DNAH17: variants seen among roughly 807,000 people sequenced by gnomAD.
DNAH17 encodes the protein axonemal beta dynein heavy chain 17.
A neutral mutation model predicts 485.6 loss-of-function variants in DNAH17; 376 were observed. That is an observed-to-expected ratio of 0.77 (90% CI 0.71 to 0.84). DNAH17 has a LOEUF of 0.84. Ranked by LOEUF, DNAH17 falls within the 40% of genes least tolerant of loss-of-function variation. DNAH17 has a pLI of 0.00. For missense variants in DNAH17, 6,370 were observed against 5,839.3 expected, an observed-to-expected ratio of 1.09 and a Z score of -2.96; for synonymous variants, 3,031 against 2,405.9, an observed-to-expected ratio of 1.26 and a Z score of -7.60.
chr17:78,487,771 C>T (rs913806125), intron 44 of DNAH17, among the ~76,000 whole-genome samples: 2 of 152,092 alleles, frequency 1.3e-5, no homozygotes, highest in South Asian at 2.1e-4. Context: ...ATGATCTGCC[C>T]GCCTCAGCTT....
intron 22 of DNAH17, among the ~76,000 whole-genome samples, 176 bp from the exon 23 acceptor site, chr17:78,527,172 C>T (rs2091101570): frequency 6.6e-6 from 1 of 152,084 alleles, no homozygotes; most frequent in African/African-American, 2.4e-5. Context: ...CACTTGAGCC[C>T]AGGAGTTCGA....
At position 78,525,048 on chromosome 17, in the gene DNAH17, C is replaced by G. The variant is rs1243238111; in HGVS notation, c.3825G>C (p.Glu1275Asp). ...DYKQLKACHR[E>D]VRLLKELWDM... Reference sequence around the variant, plus strand: ...CCCAGAGCTCCTTCAGTAGGCGGACCTCCCGGTGGCAGGCCTTGAGCTGCT... The same window carrying G: ...CCCAGAGCTCCTTCAGTAGGCGGACGTCCCGGTGGCAGGCCTTGAGCTGCT... Residue 1275 changes from glutamate to aspartate, a missense_variant, in exon 25 of 81, where the codon GAG (glutamate) becomes GAC (aspartate). Coordinates refer to ENST00000389840, the MANE Select transcript of DNAH17 (RefSeq NM_173628.4). 3.7e-6 allele frequency: 6 copies of G among 1,613,692 alleles called. No homozygotes were observed. The Admixed American group carries it at 8.3e-5, about 22-fold the overall frequency.
chr17:78,432,241 C>T (rs1012210944), intron 75 of DNAH17, among the ~76,000 whole-genome samples: 1 of 151,914 alleles, frequency 6.6e-6, no homozygotes, highest in Non-Finnish European at 1.5e-5. Context: ...TCTAGCCAGA[C>T]TGTTTCTCCC....
In DNAH17 at chr17:78,567,089, C is replaced by A; in HGVS notation, c.1362G>T (p.Gly454=). The part of the protein sequence containing the change: ...ELGGVRGNLL[G]SLVTRIYDEV... Reference sequence around the variant, plus strand: ...CATCATAGATACGGGTCACCAGGCTCCCGAGGAGGTTCCCACGCACGCCCC... The same window carrying A: ...CATCATAGATACGGGTCACCAGGCTACCGAGGAGGTTCCCACGCACGCCCC... Residue 454 remains glycine (G), a synonymous_variant, in exon 10 of 81, where the codon GGG becomes GGT. Coordinates refer to ENST00000389840, the MANE Select transcript of DNAH17 (RefSeq NM_173628.4). 1 of 1,613,306 alleles carries A rather than the reference C, an allele frequency of 6.2e-7. No individual in the cohort carries two copies. Among genetic ancestry groups the A allele is most frequent in the South Asian group, 1.1e-5 (1 of 90,864 alleles).
intron 54 of DNAH17, among the ~76,000 whole-genome samples, chr17:78,472,303 G>A (rs1190330290): frequency 1.3e-5 from 2 of 151,630 alleles, no homozygotes; most frequent in African/African-American, 4.9e-5. Flanking sequence ...AGGGAGTGGG[G>A]GTGCGAGGGT....
intron 52 of DNAH17, among the ~76,000 whole-genome samples, chr17:78,476,323 TCGGACCCACAGCCACG>T (rs1482391836): frequency 3.3e-5 from 3 of 91,728 alleles, no homozygotes; most frequent in African/African-American, 1.6e-4. Flanking sequence ...CGTGGAACCC[TCGGACCCACAGCCACG>T]TGCCGGAGTT....
intron 16 of DNAH17, among the ~76,000 whole-genome samples, chr17:78,547,859 C>T (rs79451520): frequency 0.032 from 4,638 of 142,920 alleles, 143 homozygotes; most frequent in East Asian, 0.097. Flanking sequence ...CTCAAGTGAT[C>T]GGCCTGCCTT....
chr17:78,537,826 G>A (rs973664921), intron 18 of DNAH17, among the ~76,000 whole-genome samples: 4 of 152,164 alleles, frequency 2.6e-5, no homozygotes, highest in East Asian at 1.9e-4. Context: ...ATAAAATGAG[G>A]CTAAATATTT....
intron 80 of DNAH17, chr17:78,424,427 G>A (rs538736269): frequency 2.6e-5 from 11 of 417,884 alleles, no homozygotes; most frequent in East Asian, 1.5e-4. Flanking sequence ...AGCCTCATCT[G>A]TCAGCCTTAA....
At chr17:78,524,310 G>A (rs4969217) in intron 25 of DNAH17, among the ~76,000 whole-genome samples, 19,992 of 152,056 alleles carry the variant, frequency 0.13, 1,714 homozygotes, top group Middle Eastern at 0.22. Flanking sequence ...GTTAATTTTC[G>A]TATTTTTCGT....
intron 71 of DNAH17, 113 bp from the exon 72 acceptor site, chr17:78,441,312 A>G (rs892497698): frequency 1.7e-6 from 2 of 1,183,402 alleles, no homozygotes; most frequent in Non-Finnish European, 2.4e-6. Context: ...GACTTTCTTC[A>G]GCGGGACAAG....
chr17:78,455,776 C>G lies in DNAH17; in HGVS notation c.10038G>C (p.Arg3346Ser), dbSNP rs770417737. 6.2e-7 allele frequency: 1 copy of G among 1,613,534 alleles called. No individual in the cohort carries two copies. The highest frequency in any genetic ancestry group is 1.1e-5 in the South Asian group (1 of 90,972). ...IRWAESVENF[R>S]SQGVTLCGDV... ...CCCCACACAGCGTGACCCCCTGGCT[C>G]CTGAAGTTCTCCACAGACTCAGCCC... is the stretch of plus-strand genomic sequence containing the variant. The change falls in exon 63 of 81, where the codon AGG (arginine) becomes AGC (serine). Residue 3346 changes from arginine (R) to serine (S), a missense_variant. Physicochemically the swap from Arg to Ser is moderately radical, Grantham distance 110. Transcript: ENST00000389840.
intron 26 of DNAH17, among the ~76,000 whole-genome samples, chr17:78,511,609 C>A (rs911467703): frequency 1.3e-5 from 2 of 152,216 alleles, no homozygotes; most frequent in African/African-American, 2.4e-5. Flanking sequence ...CTAGTGCCAC[C>A]CACTTCCCAA....
chr17:78,439,168 G>A lies in DNAH17; in HGVS notation c.11727C>T (p.Ser3909=). 1 of 1,613,470 alleles carries A rather than the reference G, an allele frequency of 6.2e-7. No homozygotes were observed. The highest frequency in any genetic ancestry group is 2.2e-5 in the East Asian group (1 of 44,870). Residue 3909 remains serine, a synonymous_variant, in exon 73 of 81, where the codon TCC becomes TCT. Transcript: ENST00000389840. ...CCACCACCTCTTGTCCCTGCCCCAG[G>A]GACACATTATGGAGTTTTCCATTGT... The part of the protein sequence containing the change: ...TIDNGKLHNV[S]LGQGQEVVAE...
Position 78,460,177 on chromosome 17 carries a change from C to T in DNAH17, c.9420G>A (p.Leu3140=). ...CCCCCTTTACCTTATTCAGAGTGTCCAGAGCCTCCTGGGCTGCCAGCAGGG... is the reference window on the plus strand; with the variant it reads ...CCCCCTTTACCTTATTCAGAGTGTCTAGAGCCTCCTGGGCTGCCAGCAGGG... The part of the protein sequence containing the change: ...EPALLAAQEA[L]DTLNKNNLTE... Residue 3140 remains leucine (L), a synonymous_variant, in exon 59 of 81, where the codon CTG becomes CTA. Transcript: ENST00000389840. 1 of 1,607,550 alleles carries T rather than the reference C, an allele frequency of 6.2e-7. No homozygotes were observed. Among genetic ancestry groups the T allele is most frequent in the Non-Finnish European group, 8.5e-7 (1 of 1,176,566 alleles).
intron 62 of DNAH17, among the ~76,000 whole-genome samples, chr17:78,457,590 G>T (rs1157630535): frequency 1.3e-5 from 2 of 151,410 alleles, no homozygotes; most frequent in Non-Finnish European, 2.9e-5. Flanking sequence ...TGTTGCTCAG[G>T]CTGGTTTCAA....
chr17:78,517,614 A>G (rs1202255813), intron 25 of DNAH17, among the ~76,000 whole-genome samples: 1 of 152,184 alleles, frequency 6.6e-6, no homozygotes, highest in African/African-American at 2.4e-5. Context: ...GCAAATTCCC[A>G]GGCTCCCGAA....
At chr17:78,564,072 C>T (rs1347263410) in intron 11 of DNAH17, among the ~76,000 whole-genome samples, 4 of 152,126 alleles carry the variant, frequency 2.6e-5, no homozygotes, top group East Asian at 1.9e-4. Flanking sequence ...ATTTGTTCCT[C>T]GCTAGCTCCA....
intron 44 of DNAH17, among the ~76,000 whole-genome samples, chr17:78,487,291 C>T (rs1403462904): frequency 6.6e-6 from 1 of 152,170 alleles, no homozygotes; most frequent in Non-Finnish European, 1.5e-5. Context: ...TTCCATGACC[C>T]TCATTTCCAA....
Sources: allele counts gnomAD v4.1 joint callset (sites outside exome capture counted in the v4.1 genomes callset), GRCh38; gene constraint gnomAD v4.1.1; transcripts MANE v1.5; gene names NCBI Gene and HGNC (gene_info 2026-07-23, HGNC 2026-07-21).